The following ATXN8OS variants were observed in gnomAD, a reference collection of about 807,000 sequenced individuals.
The protein encoded by ATXN8OS is ATXN8 opposite strand lncRNA.
intron 4 of ATXN8OS, among the ~76,000 whole-genome samples, chr13:70,149,709 G>A: frequency 6.6e-6 from 1 of 152,120 alleles, no homozygotes; most frequent in Admixed American, 6.6e-5. Context: ...CATGCCATCG[G>A]GGAAAAGGCT....
chr13:70,125,019 CTT>C (rs1165662203), intron 2 of ATXN8OS, among the ~76,000 whole-genome samples: 6 of 149,964 alleles, frequency 4.0e-5, no homozygotes, highest in African/African-American at 1.5e-4. Context: ...GGTTTCAGCT[CTT>C]TTTAAAAACC....
rs1203478264 is a variant in ATXN8OS, at chr13:70,138,037, C to T, written n.499+8153C>T. 9.2e-5 allele frequency among the ~76,000 whole-genome samples: 14 copies of T among 152,270 alleles called. No individual in the cohort carries two copies. In the South Asian group the frequency reaches 1.4e-3, roughly 16 times the overall value. ...CAGACCTTGAGAGAACTTATTATCA[C>T]GAGAACAACATGGCGGAAATCCGCC... On this transcript the variant is annotated intron_variant and non_coding_transcript_variant, in intron 3 of 4. Transcript: ENST00000678624.
intron 3 of ATXN8OS, among the ~76,000 whole-genome samples, chr13:70,146,299 G>C (rs302005): frequency 0.59 from 82,354 of 139,714 alleles, 24,434 homozygotes; most frequent in African/African-American, 0.66. Flanking sequence ...AATAGGAACA[G>C]TTTTACACTG....
At chr13:70,162,191 ATTTC>A (rs1027930948) in intron 4 of ATXN8OS, among the ~76,000 whole-genome samples, 1 of 152,104 alleles carries the variant, frequency 6.6e-6, no homozygotes, top group African/African-American at 2.4e-5. Flanking sequence ...AAGACGTTGC[ATTTC>A]TTAGGGTCTT....
At chr13:70,159,180 T>C (rs1888971796) in intron 4 of ATXN8OS, among the ~76,000 whole-genome samples, 1 of 24,392 alleles carries the variant, frequency 4.1e-5, no homozygotes, top group South Asian at 2.1e-3. Context: ...CCACTTCCAT[T>C]CTCTCTCTCT....
intron 4 of ATXN8OS, among the ~76,000 whole-genome samples, chr13:70,152,712 A>G (rs1285702771): frequency 6.6e-6 from 1 of 152,176 alleles, no homozygotes; most frequent in Non-Finnish European, 1.5e-5. Context: ...AGTAGTTATT[A>G]TCTCTGTTTC....
chr13:70,160,416 C>T (rs1888993363), intron 4 of ATXN8OS, among the ~76,000 whole-genome samples: 2 of 151,910 alleles, frequency 1.3e-5, no homozygotes, highest in African/African-American at 2.4e-5. Context: ...GATCAAAGTG[C>T]CCACAGATGC....
At chr13:70,142,714 AT>A (rs56868109) in intron 3 of ATXN8OS, among the ~76,000 whole-genome samples, 128,789 of 151,568 alleles carry the variant, frequency 0.85, 54,823 homozygotes, top group East Asian at 1. Flanking sequence ...CCAACTTTTG[AT>A]TTTTTTTTTG....
chr13:70,114,445 T>C (rs1377700188), intron 1 of ATXN8OS, among the ~76,000 whole-genome samples: 1 of 152,174 alleles, frequency 6.6e-6, no homozygotes, highest in Non-Finnish European at 1.5e-5. Flanking sequence ...AATTAAAGCA[T>C]ACATATAATT....
intron 4 of ATXN8OS, among the ~76,000 whole-genome samples, chr13:70,169,496 A>G (rs754181682): frequency 7.2e-5 from 11 of 152,018 alleles, no homozygotes; most frequent in Admixed American, 2.6e-4. Context: ...GGGTTTCACC[A>G]TGTTAGCCAG....
rs17086514 is a variant in ATXN8OS, at chr13:70,153,091, T to C, written n.573+5663T>C. Among the ~76,000 whole-genome samples, 391 of 151,050 alleles carry C rather than the reference T, an allele frequency of 2.6e-3. 3 individuals carry two copies. The highest frequency in any genetic ancestry group is 8.4e-3 in the African/African-American group (346 of 41,010). On this transcript the variant is annotated intron_variant and non_coding_transcript_variant, in intron 4 of 4. Transcript: ENST00000678624. ...AAGGCATACGAATGCATAACAGAGA[T>C]GTAGACCGGGAGAGAAAGAAAAAAA...
At chr13:70,130,867 A>G (rs1888522148) in intron 3 of ATXN8OS, 1 of 398,394 alleles carries the variant, frequency 2.5e-6, no homozygotes, top group African/African-American at 2.1e-5. Flanking sequence ...AAGGCAGCAA[A>G]TCATACAAGA....
chr13:70,169,328 G>A (rs904665506), intron 4 of ATXN8OS, among the ~76,000 whole-genome samples: 1 of 152,046 alleles, frequency 6.6e-6, no homozygotes, highest in African/African-American at 2.4e-5. Flanking sequence ...ACTGAGTCTT[G>A]CCATGTCACC....
chr13:70,161,274 G>C (rs1889006454), intron 4 of ATXN8OS, among the ~76,000 whole-genome samples: 1 of 151,886 alleles, frequency 6.6e-6, no homozygotes, highest in African/African-American at 2.4e-5. Flanking sequence ...AAACCACCAA[G>C]TATTCTACTA....
chr13:70,139,847 A>G (rs1212643449), intron 3 of ATXN8OS, among the ~76,000 whole-genome samples: 1 of 152,164 alleles, frequency 6.6e-6, no homozygotes, highest in Non-Finnish European at 1.5e-5. Flanking sequence ...TATTCTTGTA[A>G]GCAAGGAATG....
intron 2 of ATXN8OS, among the ~76,000 whole-genome samples, chr13:70,129,083 C>T (rs9564655): frequency 0.14 from 21,469 of 152,014 alleles, 2,015 homozygotes; most frequent in African/African-American, 0.26. Context: ...TGGTCACAAA[C>T]TCCTGACCTC....
At chr13:70,136,880 G>T (rs1458984382) in intron 3 of ATXN8OS, among the ~76,000 whole-genome samples, 2 of 152,072 alleles carry the variant, frequency 1.3e-5, no homozygotes, top group African/African-American at 4.8e-5. Context: ...AGAACACAAG[G>T]CTATTTTACT....
intron 3 of ATXN8OS, among the ~76,000 whole-genome samples, chr13:70,142,165 T>G (rs1888726861): frequency 6.6e-6 from 1 of 152,194 alleles, no homozygotes; most frequent in African/African-American, 2.4e-5. Flanking sequence ...ATTACAGGCA[T>G]GAGCCACCGT....
chr13:70,122,180 T>G (rs1420802163), intron 2 of ATXN8OS, among the ~76,000 whole-genome samples: 2 of 151,766 alleles, frequency 1.3e-5, no homozygotes, highest in Non-Finnish European at 2.9e-5. Context: ...AATATAGGAG[T>G]GCAACTGACA....
Sources: gnomAD v4.1 joint callset for allele counts (sites outside exome capture counted in the v4.1 genomes callset) on GRCh38, gnomAD v4.1.1 for gene constraint, MANE v1.5 for transcripts, NCBI Gene and HGNC (gene_info 2026-07-23, HGNC 2026-07-21) for gene names.